Variants in PARP11 observed in about 807,000 individuals in gnomAD.
PARP11 encodes poly(ADP-ribose) polymerase family member 11.
Under a neutral mutation model 42.9 loss-of-function variants are expected in PARP11, and 31 were observed. That is an observed-to-expected ratio of 0.72 (90% CI 0.54 to 0.98). PARP11 has a LOEUF of 0.98. Among genes scored for constraint, PARP11 ranks in the 50% least tolerant of loss-of-function variants. The pLI is 0.00. For missense variants in PARP11, 365 were observed against 413.1 expected (o/e 0.88, Z 1.01); for synonymous variants, 137 against 127.3 (o/e 1.08, Z -0.51).
chr12:3,816,840 T>G (rs997414606), intron 6 of PARP11, among the ~76,000 whole-genome samples: 1 of 152,012 alleles, frequency 6.6e-6, no homozygotes, highest in African/African-American at 2.4e-5. Context: ...AGGCGGAGGT[T>G]GTAATGAGCT....
chr12:3,825,894 T>A (rs1020833922), intron 4 of PARP11, among the ~76,000 whole-genome samples: 8 of 151,148 alleles, frequency 5.3e-5, no homozygotes, highest in East Asian at 3.9e-4. Context: ...ATCCAGCTAA[T>A]TTTTTTTGTA....
At chr12:3,817,834 TTA>T (rs1947323010) in intron 6 of PARP11, among the ~76,000 whole-genome samples, 1 of 152,174 alleles carries the variant, frequency 6.6e-6, no homozygotes, top group South Asian at 2.1e-4. Flanking sequence ...TCAGAGCCAC[TTA>T]TGGAATTTTT....
chr12:3,821,591 C>T (rs1048389940), intron 6 of PARP11, among the ~76,000 whole-genome samples: 4 of 152,192 alleles, frequency 2.6e-5, no homozygotes, highest in Admixed American at 6.5e-5. Context: ...ATCAACAAAG[C>T]TAAACAGCTC....
chr12:3,833,541 C>A (rs1387590145), intron 1 of PARP11, among the ~76,000 whole-genome samples: 1 of 152,184 alleles, frequency 6.6e-6, no homozygotes, highest in Non-Finnish European at 1.5e-5. Flanking sequence ...GAGTTTGAGG[C>A]TGCAGTGAGC....
At chr12:3,828,824 A>G (rs1191593064) in intron 3 of PARP11, 86 bp downstream of exon 3, 17 of 1,193,704 alleles carry the variant, frequency 1.4e-5, no homozygotes, top group South Asian at 7.3e-5. Flanking sequence ...GTTTGCAAAT[A>G]TATCAACTAA....
At chr12:3,859,580 C>T (rs1326607998) in intron 1 of PARP11, among the ~76,000 whole-genome samples, 1 of 145,174 alleles carries the variant, frequency 6.9e-6, no homozygotes, top group Admixed American at 6.9e-5. Flanking sequence ...AAAAAAAAGG[C>T]AGATGTAAAT....
chr12:3,842,020 T>G, intron 1 of PARP11: 1 of 1,611,558 alleles, frequency 6.2e-7, no homozygotes. Context: ...AGATATGGCA[T>G]TGGCTTCCAT....
At chr12:3,816,192 A>G (rs1947284506) in intron 6 of PARP11, among the ~76,000 whole-genome samples, 1 of 150,044 alleles carries the variant, frequency 6.7e-6, no homozygotes, top group Admixed American at 7.0e-5. Context: ...AAACGAAAAA[A>G]GTTTTTTAAA....
intron 1 of PARP11, among the ~76,000 whole-genome samples, chr12:3,839,081 G>A (rs1947828967): frequency 6.6e-6 from 1 of 151,956 alleles, no homozygotes; most frequent in African/African-American, 2.4e-5. Flanking sequence ...CCGAGGAGGC[G>A]GCCGCGTACG....
chr12:3,821,515 G>A (rs773028014), intron 6 of PARP11, among the ~76,000 whole-genome samples: 5 of 152,200 alleles, frequency 3.3e-5, no homozygotes, highest in Non-Finnish European at 7.4e-5. Context: ...TGGCAAGATA[G>A]TATGATTTAA....
intron 6 of PARP11, among the ~76,000 whole-genome samples, chr12:3,818,943 T>G (rs990758639): frequency 6.6e-6 from 1 of 152,202 alleles, no homozygotes; most frequent in South Asian, 2.1e-4. Flanking sequence ...CTTTTCTTAA[T>G]GTACATACGC....
intron 1 of PARP11, among the ~76,000 whole-genome samples, chr12:3,865,857 T>C (rs1372212091): frequency 6.6e-6 from 1 of 151,484 alleles, no homozygotes; most frequent in Non-Finnish European, 1.5e-5. Flanking sequence ...ATTATTGATA[T>C]GGTTAGCTTT....
At chr12:3,814,573 G>A (rs376516977) in intron 6 of PARP11, among the ~76,000 whole-genome samples, 5 of 152,260 alleles carry the variant, frequency 3.3e-5, no homozygotes, top group East Asian at 3.9e-4. Context: ...CCTTGAGCAG[G>A]GATCATGTCA....
chr12:3,828,560 A>G (rs1392639082), intron 3 of PARP11, among the ~76,000 whole-genome samples: 4 of 151,854 alleles, frequency 2.6e-5, no homozygotes, highest in Non-Finnish European at 5.9e-5. Flanking sequence ...AAAAAAAAAA[A>G]AAAGTAAAAA....
At chr12:3,834,122 G>A (rs1392140086) in intron 1 of PARP11, among the ~76,000 whole-genome samples, 2 of 152,186 alleles carry the variant, frequency 1.3e-5, no homozygotes, top group Non-Finnish European at 2.9e-5. Flanking sequence ...AGTCAGCTAA[G>A]AAGACCAAGG....
chr12:3,840,366 T>C lies in PARP11; in HGVS notation c.19-10348A>G. Reference sequence around the variant, plus strand: ...CTTCCACTTCTGGACAAAATTTCCATTCTGATATGGATTACAGAGGGCCAA... The same window carrying C: ...CTTCCACTTCTGGACAAAATTTCCACTCTGATATGGATTACAGAGGGCCAA... On this transcript the variant is annotated intron_variant, in intron 1 of 7. Transcript: ENST00000228820. This position sits in a 1 kb window ranked among gnomAD's most constrained non-coding sequence, Gnocchi z 4.4. 6.2e-7 allele frequency: 1 copy of C among 1,614,104 alleles called. No homozygotes were observed. Among genetic ancestry groups the C allele is most frequent in the Non-Finnish European group, 8.5e-7 (1 of 1,179,944 alleles).
chr12:3,815,124 G>A, intron 6 of PARP11: 1 of 444,564 alleles, frequency 2.2e-6, no homozygotes, highest in Non-Finnish European at 4.5e-6. Flanking sequence ...ATGGGAGTCT[G>A]CAAACTATTT....
intron 1 of PARP11, chr12:3,842,423 G>T: frequency 1.9e-6 from 3 of 1,608,546 alleles, no homozygotes; most frequent in Non-Finnish European, 2.6e-6. Context: ...CGGGATGAAG[G>T]TTATCAGTAC....
intron 1 of PARP11, among the ~76,000 whole-genome samples, chr12:3,858,041 G>A (rs747580078): frequency 1.1e-4 from 16 of 152,154 alleles, no homozygotes; most frequent in Admixed American, 3.9e-4. Flanking sequence ...AGACATAGTC[G>A]TGCCTGACAC....
Sources: allele counts gnomAD v4.1 joint callset (sites outside exome capture counted in the v4.1 genomes callset), GRCh38; gene constraint gnomAD v4.1.1; non-coding constraint Gnocchi (gnomAD v3.1); transcripts MANE v1.5; gene names NCBI Gene and HGNC (gene_info 2026-07-23, HGNC 2026-07-21).